NBEA: variants seen among roughly 807,000 people sequenced by gnomAD.
NBEA encodes the protein lysosomal-trafficking regulator 2.
In NBEA, 44 loss-of-function variants were observed where a neutral mutation model predicts 343.4. That is an observed-to-expected ratio of 0.13 (90% confidence interval 0.10 to 0.16). NBEA has a LOEUF of 0.16. NBEA is among the 10% of genes least tolerant of loss of function. The pLI is 1.00. For missense variants in NBEA, 2,555 were observed against 3,631.3 expected (o/e 0.70, Z 7.62); for synonymous variants, 1,175 against 1,238.7 (o/e 0.95, Z 1.08).
At chr13:35,575,086 G>T (rs2080669385) in intron 45 of NBEA, among the ~76,000 whole-genome samples, 1 of 152,104 alleles carries the variant, frequency 6.6e-6, no homozygotes, top group Non-Finnish European at 1.5e-5. Context: ...GATCAAAGAT[G>T]ATCTTTCTTC....
chr13:35,411,647 TTTG>T (rs145728162), intron 38 of NBEA, among the ~76,000 whole-genome samples: 2,873 of 148,626 alleles, frequency 0.019, 105 homozygotes, highest in African/African-American at 0.069. Flanking sequence ...TGTTTTTTGT[TTTG>T]TTGTTGTTGT....
chr13:35,062,415 G>GA (rs2063500356), intron 8 of NBEA, among the ~76,000 whole-genome samples: 1 of 151,572 alleles, frequency 6.6e-6, no homozygotes, highest in South Asian at 2.1e-4. Flanking sequence ...GAGAAAGCCA[G>GA]AAAAAATATT....
At chr13:35,325,941 A>G (rs1445096415) in intron 36 of NBEA, among the ~76,000 whole-genome samples, 1 of 151,950 alleles carries the variant, frequency 6.6e-6, no homozygotes, top group East Asian at 1.9e-4. Flanking sequence ...ATTGTTGTCA[A>G]CTTTGTTGAC....
chr13:35,081,758 AT>A (rs1384419715), intron 10 of NBEA, among the ~76,000 whole-genome samples: 1 of 152,012 alleles, frequency 6.6e-6, no homozygotes, highest in Non-Finnish European at 1.5e-5. Context: ...TTTTAAGAGT[AT>A]TTTTTTCTTT....
chr13:35,220,514 C>T (rs1160929341), intron 33 of NBEA, among the ~76,000 whole-genome samples: 1 of 152,094 alleles, frequency 6.6e-6, no homozygotes, highest in Admixed American at 6.6e-5. Context: ...TCTTATAGTG[C>T]TTTGAAAATA....
At chr13:35,118,854 T>A in intron 16 of NBEA, among the ~76,000 whole-genome samples, 1 of 151,696 alleles carries the variant, frequency 6.6e-6, no homozygotes, top group East Asian at 1.9e-4. Context: ...AGAATGGTAA[T>A]AACTTTAGTG....
intron 41 of NBEA, among the ~76,000 whole-genome samples, chr13:35,494,415 G>A (rs949098491): frequency 6.6e-6 from 1 of 151,992 alleles, no homozygotes; most frequent in Non-Finnish European, 1.5e-5. Flanking sequence ...TAAATCTGTA[G>A]TCTGATAAAT....
intron 36 of NBEA, among the ~76,000 whole-genome samples, chr13:35,347,685 C>T (rs558627897): frequency 6.6e-6 from 1 of 152,182 alleles, no homozygotes; most frequent in East Asian, 1.9e-4. Flanking sequence ...TCCTCCTCCT[C>T]CTCTTCCTCC....
At chr13:35,555,177 A>G (rs1241629188) in intron 44 of NBEA, 75 bp downstream of exon 44, 1 of 749,980 alleles carries the variant, frequency 1.3e-6, no homozygotes, top group Non-Finnish European at 2.0e-6. Flanking sequence ...CTGATATAAT[A>G]CATTTTTCTC....
At chr13:35,404,748 T>C (rs2043184368) in intron 38 of NBEA, among the ~76,000 whole-genome samples, 1 of 151,520 alleles carries the variant, frequency 6.6e-6, no homozygotes, top group Admixed American at 6.6e-5. Context: ...AAACTTAAAG[T>C]ATAATAATAA....
At chr13:35,523,940 CTTTATAG>C (rs1269498953) in intron 41 of NBEA, among the ~76,000 whole-genome samples, 1 of 151,452 alleles carries the variant, frequency 6.6e-6, no homozygotes, top group Non-Finnish European at 1.5e-5. Flanking sequence ...ATGAAGTTTT[CTTTATAG>C]TTGTAAGCAT....
chr13:35,062,850 T>C (rs1255011653), intron 8 of NBEA, among the ~76,000 whole-genome samples: 1 of 151,962 alleles, frequency 6.6e-6, no homozygotes, highest in African/African-American at 2.4e-5. Context: ...AGTATATACA[T>C]GTAATACATA....
chr13:35,511,625 A>T (rs1012228257), intron 41 of NBEA, among the ~76,000 whole-genome samples: 3 of 152,198 alleles, frequency 2.0e-5, no homozygotes, highest in Non-Finnish European at 4.4e-5. Context: ...GCAAGTAGAT[A>T]TCTCTCTATA....
intron 7 of NBEA, 111 bp downstream of exon 7, chr13:35,056,240 TTTA>T (rs2063255261): frequency 2.2e-6 from 2 of 905,472 alleles, no homozygotes; most frequent in African/African-American, 3.5e-5. Flanking sequence ...ACTTTGAAAG[TTTA>T]TTCTTTTTAT....
At chr13:35,182,333 T>C (rs1468089837) in intron 28 of NBEA, 27 bp from the exon 29 acceptor site, 3 of 1,584,862 alleles carry the variant, frequency 1.9e-6, no homozygotes, top group Admixed American at 3.8e-5. Context: ...AGTTTGAGTG[T>C]TAAAACTGTC....
chr13:35,173,530 C>A lies in NBEA; in HGVS notation c.4490C>A (p.Ser1497Tyr). 6.2e-7 allele frequency: 1 copy of A among 1,611,298 alleles called. No homozygotes were observed. Residue 1497 changes from serine (S) to tyrosine (Y), a missense_variant, in exon 27 of 59, where the codon TCT becomes TAT. Transcript: ENST00000379939. The stretch of plus-strand genomic sequence containing the variant: ...AGACAGAGAGACAGGGGAAATAAAT[C>A]TTCCCATGGAAGCAGTAAACCTCAG... ...RQRQRDRGNK[S>Y]SHGSSKPQEV...
At chr13:35,456,619 A>G (rs571182665) in intron 40 of NBEA, among the ~76,000 whole-genome samples, 1 of 152,042 alleles carries the variant, frequency 6.6e-6, no homozygotes, top group South Asian at 2.1e-4. Context: ...TGTTTCTTCA[A>G]ATAACTATTG....
chr13:35,440,256 G>A (rs1297963514), intron 39 of NBEA, among the ~76,000 whole-genome samples: 2 of 152,180 alleles, frequency 1.3e-5, no homozygotes, highest in African/African-American at 4.8e-5. Context: ...AACATTGAAG[G>A]ATGGATTTTC....
chr13:35,065,549 C>T (rs1476802116), intron 8 of NBEA, among the ~76,000 whole-genome samples: 3 of 151,850 alleles, frequency 2.0e-5, no homozygotes, highest in African/African-American at 7.3e-5. Context: ...TCTTCTATTT[C>T]CTTGCTTTGG....
Sources: allele counts gnomAD v4.1 joint callset (sites outside exome capture counted in the v4.1 genomes callset), GRCh38; gene constraint gnomAD v4.1.1; transcripts MANE v1.5; gene names NCBI Gene and HGNC (gene_info 2026-07-23, HGNC 2026-07-21).